The following YPEL2 variants were observed in gnomAD, a reference collection of about 807,000 sequenced individuals.
The protein encoded by YPEL2 is protein yippee-like 2.
YPEL2 carries 2 observed loss-of-function variants against 19.1 expected under a neutral mutation model. The observed-to-expected ratio is 0.10, with a 90% confidence interval of 0.04 to 0.33. The LOEUF is 0.33. Among genes scored for constraint, YPEL2 ranks in the 10% least tolerant of loss-of-function variants. The pLI is 1.00. For missense variants in YPEL2, 66 were observed against 140.7 expected (o/e 0.47, Z 2.68); for synonymous variants, 52 against 50.0 (o/e 1.04, Z -0.17).
At chr17:59,376,966 A>AC (rs1567752469) in intron 2 of YPEL2, among the ~76,000 whole-genome samples, 1 of 149,274 alleles carries the variant, frequency 6.7e-6, no homozygotes. Context: ...AAAAAAAAAA[A>AC]AAAAAAAAAC....
chr17:59,371,022 G>T (rs2047894617), intron 2 of YPEL2, among the ~76,000 whole-genome samples: 1 of 152,116 alleles, frequency 6.6e-6, no homozygotes, highest in African/African-American at 2.4e-5. Flanking sequence ...TGGGAGGAGG[G>T]ATTCCAGCCC....
intron 2 of YPEL2, among the ~76,000 whole-genome samples, chr17:59,376,949 C>CAAAAAAAAAAAAAAAAAAAAAAAAAAAA (rs59030676): frequency 6.2e-5 from 3 of 48,546 alleles, no homozygotes; most frequent in Non-Finnish European, 9.0e-5. Context: ...CACACTGTCT[C>CAAAAAAAAAAAAAAAAAAAAAAAAAAAA]AAAAAAAAAA....
intron 4 of YPEL2, among the ~76,000 whole-genome samples, chr17:59,393,928 C>T (rs2048022228): frequency 1.3e-5 from 2 of 152,266 alleles, no homozygotes; most frequent in Non-Finnish European, 2.9e-5. Context: ...TACACAGACA[C>T]AGCAGTCATC....
In YPEL2 at chr17:59,399,031, T is replaced by C. The variant is rs956239653; in HGVS notation, c.*1841T>C. 7.2e-5 allele frequency: 11 copies of C among 152,406 alleles called. No homozygotes were observed. The highest frequency in any genetic ancestry group is 1.6e-4 in the Non-Finnish European group (11 of 68,044). The allele number at this position is 152,406 out of a possible 1,614,324, so 9.4% of individuals were successfully genotyped here. On this transcript the variant is annotated 3_prime_UTR_variant, in exon 5 of 5. Transcript: ENST00000312655. ...TGTTCCCCAAGGCTTCTTGTCCAGA[T>C]CTTTCCAGTGCTTTCATAGCCCTGG...
At chr17:59,368,087 TTC>T (rs1166384074) in intron 2 of YPEL2, among the ~76,000 whole-genome samples, 5 of 152,158 alleles carry the variant, frequency 3.3e-5, no homozygotes, top group African/African-American at 1.2e-4. Context: ...ATGGATGAAA[TTC>T]TCTTTTTTTT....
intron 4 of YPEL2, among the ~76,000 whole-genome samples, chr17:59,395,126 C>G (rs2048032043): frequency 1.3e-5 from 2 of 152,152 alleles, no homozygotes; most frequent in South Asian, 2.1e-4. Context: ...CTTAGTTTTG[C>G]TTTTTCCTCC....
chr17:59,394,960 G>A (rs1281797250), intron 4 of YPEL2, among the ~76,000 whole-genome samples: 3 of 152,348 alleles, frequency 2.0e-5, no homozygotes, highest in African/African-American at 7.2e-5. Flanking sequence ...GTGGCGGCAC[G>A]CGCCTGCAAT....
intron 1 of YPEL2, chr17:59,345,255 G>A (rs192719327): frequency 2.6e-5 from 4 of 152,288 alleles, no homozygotes; most frequent in South Asian, 2.1e-4. Context: ...ATAAGCCCCC[G>A]AAACCAAGAC....
intron 1 of YPEL2, among the ~76,000 whole-genome samples, chr17:59,334,226 TCTTCATTGTCG>T (rs2147931154): frequency 1.3e-5 from 2 of 152,284 alleles, no homozygotes; most frequent in African/African-American, 4.8e-5. Flanking sequence ...TTATGTGAAT[TCTTCATTGTCG>T]TAATGATTTT....
intron 1 of YPEL2, among the ~76,000 whole-genome samples, chr17:59,333,121 G>A (rs2047680422): frequency 6.6e-6 from 1 of 152,216 alleles, no homozygotes; most frequent in African/African-American, 2.4e-5. Flanking sequence ...TGCCTCTGGG[G>A]GCCACAGGGC....
At chr17:59,394,760 C>T (rs910892388) in intron 4 of YPEL2, among the ~76,000 whole-genome samples, 30 of 152,296 alleles carry the variant, frequency 2.0e-4, no homozygotes, top group Admixed American at 1.2e-3. Flanking sequence ...GAGGTTGTAG[C>T]GAGCCGAGAT....
At chr17:59,395,571 G>A (rs2048034635) in intron 4 of YPEL2, among the ~76,000 whole-genome samples, 1 of 152,210 alleles carries the variant, frequency 6.6e-6, no homozygotes, top group South Asian at 2.1e-4. Context: ...TCACCTGCCA[G>A]GTGGTTAGTA....
chr17:59,343,101 C>T lies in YPEL2; in HGVS notation c.-195-10114C>T, dbSNP rs1162153085. On this transcript the variant is annotated intron_variant, in intron 1 of 4. Transcript: ENST00000312655. ...GGCCCTACTGAGTTTCATACTCTAT[C>T]TGCTGGCCCAAATGAGTTGGCATCA... Among the ~76,000 whole-genome samples, 4 of 152,182 alleles carry T rather than the reference C, an allele frequency of 2.6e-5. No individual in the cohort carries two copies. In the East Asian group the frequency reaches 7.7e-4, roughly 29 times the overall value.
At chr17:59,384,386 G>A (rs1199420811) in intron 2 of YPEL2, among the ~76,000 whole-genome samples, 1 of 152,164 alleles carries the variant, frequency 6.6e-6, no homozygotes, top group African/African-American at 2.4e-5. Flanking sequence ...GAACCCCTTT[G>A]TAGTACTTCA....
chr17:59,371,846 A>G lies in YPEL2; in HGVS notation c.118-16481A>G, dbSNP rs541098247. Among the ~76,000 whole-genome samples the G allele has an allele frequency of 9.8e-5, 15 of 152,314 alleles. 1 individual carries two copies. Among genetic ancestry groups the G allele is most frequent in the African/African-American group, 3.4e-4 (14 of 41,558 alleles). On this transcript the variant is annotated intron_variant, in intron 2 of 4. Transcript: ENST00000312655. ...TTAATTTACCTTTCTAAAGTGATAA[A>G]TGTGCTTAAAATGAATATGGGAGTG...
chr17:59,349,964 G>A (rs144632629), intron 1 of YPEL2, among the ~76,000 whole-genome samples: 118 of 152,244 alleles, frequency 7.8e-4, no homozygotes, highest in Non-Finnish European at 1.4e-3. Flanking sequence ...TGGCCCTACA[G>A]GCCTTTCTTG....
Position 59,362,262 on chromosome 17 carries a change from A to G in YPEL2, c.117+8736A>G, listed in dbSNP as rs184573447. The stretch of plus-strand genomic sequence containing the variant: ...CTTGGCAAAGAAATAGAAGCATTCT[A>G]TGGTTTTTTTTTTTTTTTAATTGTG... On this transcript the variant is annotated intron_variant, in intron 2 of 4. Transcript: ENST00000312655. Among the ~76,000 whole-genome samples the G allele has an allele frequency of 3.7e-4, 56 of 149,640 alleles. No homozygotes were observed. In the East Asian group the frequency reaches 5.7e-3, roughly 15 times the overall value.
intron 2 of YPEL2, among the ~76,000 whole-genome samples, chr17:59,373,737 C>T (rs1014477207): frequency 6.6e-5 from 10 of 152,280 alleles, no homozygotes; most frequent in African/African-American, 2.2e-4. Flanking sequence ...CATCAGAGAT[C>T]GCTTTAGTGG....
intron 2 of YPEL2, among the ~76,000 whole-genome samples, chr17:59,373,642 A>G (rs1335265185): frequency 6.6e-6 from 1 of 152,164 alleles, no homozygotes; most frequent in Non-Finnish European, 1.5e-5. Context: ...ATGGAGACAC[A>G]ATATTTCTTC....
Sources: gnomAD v4.1 joint callset for allele counts (sites outside exome capture counted in the v4.1 genomes callset) on GRCh38, gnomAD v4.1.1 for gene constraint, MANE v1.5 for transcripts, NCBI Gene and HGNC (gene_info 2026-07-23, HGNC 2026-07-21) for gene names.